Variants in CCDC80 observed in about 807,000 individuals in gnomAD.
CCDC80 encodes the protein coiled-coil domain containing 80, also known as coiled-coil domain-containing protein 80.
In CCDC80, 49 loss-of-function variants were observed where a neutral mutation model predicts 78.7. The ratio of observed to expected loss-of-function variants is 0.62; its 90% CI spans 0.50 to 0.79. The LOEUF (loss-of-function observed/expected upper bound fraction) is 0.79. CCDC80 is among the 30% of genes least tolerant of loss of function. The pLI, the probability that CCDC80 is intolerant of heterozygous loss-of-function variation, is 0.00. For synonymous variants in CCDC80, 488 were observed against 447.0 expected (o/e 1.09, Z -1.16); for missense variants, 1,205 against 1,198.6 (o/e 1.01, Z -0.08).
In CCDC80 at chr3:112,639,074, CAA is replaced by C; in HGVS notation, c.830_831del (p.Phe277CysfsTer5). 5.0e-6 allele frequency: 8 copies of C among 1,613,378 alleles called. No homozygotes were observed. The highest frequency in any genetic ancestry group is 6.8e-6 in the Non-Finnish European group (8 of 1,180,012). Reference protein sequence around the residue: ...RRIEKIRQKGFVQKCKASGVE... With the variant: ...RRIEKIRQKGXVQKCKASGVE... ...ACACCAGAGGCCTTACATTTCTGGA[CAA>C]AGCCCTTCTGCCTGATCTTCTCGAT... On this transcript the variant is annotated frameshift_variant, in exon 2 of 8. Coordinates refer to ENST00000206423, the MANE Select transcript of CCDC80 (RefSeq NM_199511.3). LOFTEE classifies it high-confidence loss of function.
rs1436581285 is a variant in CCDC80 at position 112,639,186 on chromosome 3, C to T, written c.720G>A (p.Lys240=). The change falls in exon 2 of 8, where the codon AAG becomes AAA. Residue 240 remains lysine (K), a synonymous_variant. Coordinates refer to ENST00000206423, the MANE Select transcript of CCDC80 (RefSeq NM_199511.3). ...GATAGCGCTCCTCCACCTGCAGCGT[C>T]TTCTTCAGCAGCACCATGCCAAACT... ...KGKFGMVLLK[K]TLQVEERYPY... is the part of the protein sequence containing the mutation. 6.2e-7 allele frequency: 1 copy of T among 1,614,204 alleles called. No homozygotes were observed. The highest frequency in any genetic ancestry group is 1.7e-5 in the Admixed American group (1 of 60,032).
rs1936264835 is a variant in CCDC80, at chr3:112,638,634, C to T, written c.1272G>A (p.Arg424=). 4 of 1,613,812 alleles carry T rather than the reference C, an allele frequency of 2.5e-6. No individual in the cohort carries two copies. The highest frequency in any genetic ancestry group is 1.7e-5 in the Admixed American group (1 of 59,988). The change falls in exon 2 of 8, where the codon AGG becomes AGA. Residue 424 remains arginine, a synonymous_variant. Coordinates refer to ENST00000206423, the MANE Select transcript of CCDC80 (RefSeq NM_199511.3). ...GCCTCCTGGTTGTCTGTGGCCTCTC[C>T]CTGTGCTGATCCTTCCGGGATGGAG... ...LYPPSRKDQH[R]ERPQTTRRPS... is the part of the protein sequence containing the mutation.
chr3:112,616,444 G>A (rs2055937), intron 5 of CCDC80, among the ~76,000 whole-genome samples: 125,692 of 137,276 alleles, frequency 0.92, 57,077 homozygotes, highest in Non-Finnish European at 0.97. Flanking sequence ...GAAAAAAAAA[G>A]AAAAGAAAAA....
chr3:112,617,282 C>T (rs1935773215), intron 4 of CCDC80, among the ~76,000 whole-genome samples: 1 of 152,316 alleles, frequency 6.6e-6, no homozygotes, highest in East Asian at 1.9e-4. Flanking sequence ...AGTTTTCCAC[C>T]AAGGCCTGTT....
rs1935531001 is a variant in CCDC80 at position 112,607,202 on chromosome 3, C to T, written c.2480G>A (p.Gly827Glu). 1 of 1,613,600 alleles carries T rather than the reference C, an allele frequency of 6.2e-7. No individual in the cohort carries two copies. Among genetic ancestry groups the T allele is most frequent in the South Asian group, 1.1e-5 (1 of 91,044 alleles). Residue 827 changes from glycine (G) to glutamate (E), a missense_variant, in exon 7 of 8, where the codon GGA becomes GAA. By Grantham distance (98) the Gly-to-Glu change is moderately conservative (BLOSUM62 -2). Coordinates refer to ENST00000206423, the MANE Select transcript of CCDC80 (RefSeq NM_199511.3). ...KLLGVGEEVGGVLELFPINGS... is the reference protein window; with the variant it reads ...KLLGVGEEVGEVLELFPINGS... ...ATTAATTGGGAACAGTTCTAACACT[C>T]CCCCAACTTCCTCTCCAACGCCTAA...
At chr3:112,629,602 G>T (rs1476226325) in intron 3 of CCDC80, among the ~76,000 whole-genome samples, 2 of 152,148 alleles carry the variant, frequency 1.3e-5, no homozygotes, top group African/African-American at 4.8e-5. Flanking sequence ...AAGGACTTGG[G>T]TGCAGTTCAG....
Position 112,638,659 on chromosome 3 carries a change from G to C in CCDC80, c.1247C>G (p.Pro416Arg). Reference protein sequence around the residue: ...RRPSVSENLYPPSRKDQHRER... With the variant: ...RRPSVSENLYRPSRKDQHRER... Reference sequence around the variant, plus strand: ...CCTGTGCTGATCCTTCCGGGATGGAGGGTAAAGATTCTCTGAAACTGAGGG... The same window carrying C: ...CCTGTGCTGATCCTTCCGGGATGGACGGTAAAGATTCTCTGAAACTGAGGG... Residue 416 changes from proline (P) to arginine (R), a missense_variant, in exon 2 of 8, where the codon CCT becomes CGT. Physicochemically the swap from Pro to Arg is moderately radical, Grantham distance 103 (BLOSUM62 -2). Coordinates refer to ENST00000206423, the MANE Select transcript of CCDC80 (RefSeq NM_199511.3). 6.2e-7 allele frequency: 1 copy of C among 1,614,050 alleles called. No individual in the cohort carries two copies. Among genetic ancestry groups the C allele is most frequent in the Non-Finnish European group, 8.5e-7 (1 of 1,180,024 alleles).
chr3:112,639,367 G>A lies in CCDC80; in HGVS notation c.539C>T (p.Ala180Val), dbSNP rs1426875696. ...CACAATCTGTTGGATGTGCCTCTCC[G>A]CCAGCTCACAGTACACATCGTCCTT... ...LLKDDVYCELAERHIQQIVLF... is the reference protein window; with the variant it reads ...LLKDDVYCELVERHIQQIVLF... Residue 180 changes from alanine (A) to valine (V), a missense_variant, in exon 2 of 8, where the codon GCG becomes GTG. Transcript: ENST00000206423. 1 of 1,613,914 alleles carries A rather than the reference G, an allele frequency of 6.2e-7. No individual in the cohort carries two copies. The highest frequency in any genetic ancestry group is 8.5e-7 in the Non-Finnish European group (1 of 1,180,004).
intron 6 of CCDC80, 118 bp downstream of exon 6, chr3:112,609,860 A>C (rs970305407): frequency 2.8e-6 from 2 of 726,910 alleles, no homozygotes; most frequent in Non-Finnish European, 4.5e-6. Flanking sequence ...GTGTCTGGAA[A>C]CCTGAACAGT....
Position 112,629,990 on chromosome 3 carries a change from A to T in CCDC80, c.2035+123T>A, listed in dbSNP as rs1009350475. 4.1e-5 allele frequency: 36 copies of T among 869,678 alleles called. No homozygotes were observed. In the African/African-American group the frequency reaches 5.8e-4, roughly 14 times the overall value. 53.9% of individuals were successfully genotyped at this position (869,678 alleles called of 1,614,324 possible). A position where few individuals can be genotyped will look rare whatever the true frequency, so the allele number is the denominator to read the frequency against. On this transcript the variant is annotated intron_variant, in intron 3 of 7. Transcript: ENST00000206423. The stretch of plus-strand genomic sequence containing the variant: ...AGCAGGCAAACTGACCTGTGTTATC[A>T]CAACCAAAGAGCCCTCTGAACATCT...
In CCDC80 at chr3:112,601,687, AAAAAAAAAAG is replaced by A. The variant is rs1559872351; in HGVS notation, c.*3720_*3729del. 0.012 allele frequency: 745 copies of A among 63,028 alleles called. 52 individuals are homozygous for A. Among genetic ancestry groups the A allele is most frequent in the African/African-American group, 0.041 (699 of 17,166 alleles). 3.9% of individuals were successfully genotyped at this position (63,028 alleles called of 1,614,324 possible). On this transcript the variant is annotated 3_prime_UTR_variant, in exon 8 of 8. Coordinates refer to ENST00000206423, the MANE Select transcript of CCDC80 (RefSeq NM_199511.3). ...GAGTGAGACCCTCTCCAAAAAAAGAAAAAAAAAAAGAGAAAAAAAAGAAGCAGCAGCAACG... is the reference window on the plus strand; with the variant it reads ...GAGTGAGACCCTCTCCAAAAAAAGAAAGAAAAAAAAGAAGCAGCAGCAACG...
rs1402413052 is a variant in CCDC80 at position 112,630,233 on chromosome 3, C to T, written c.1915G>A (p.Val639Met). The T allele has an allele frequency of 2.5e-6, 4 of 1,613,852 alleles. No homozygotes were observed. Among genetic ancestry groups the T allele is most frequent in the Non-Finnish European group, 3.4e-6 (4 of 1,179,818 alleles). ...TAPKAENNMYVQQRDEYLESF... is the reference protein window; with the variant it reads ...TAPKAENNMYMQQRDEYLESF... Reference sequence around the variant, plus strand: ...TCCAGATATTCATCACGTTGTTGCACATACATATTGTTCTCAGCCTTGGGA... The same window carrying T: ...TCCAGATATTCATCACGTTGTTGCATATACATATTGTTCTCAGCCTTGGGA... The change falls in exon 3 of 8, where the codon GTG becomes ATG. Residue 639 changes from valine (V) to methionine (M), a missense_variant. Val to Met is a conservative substitution (Grantham distance 21, BLOSUM62 1). Coordinates refer to ENST00000206423, the MANE Select transcript of CCDC80 (RefSeq NM_199511.3).
chr3:112,605,330 T>C lies in CCDC80; in HGVS notation c.*87A>G, dbSNP rs1042585832. ...TGAAAGAAAAAGGCAGGAAATGTAGTACGCAGTGTGGAAGAATGGAGCTGG... is the reference window on the plus strand; with the variant it reads ...TGAAAGAAAAAGGCAGGAAATGTAGCACGCAGTGTGGAAGAATGGAGCTGG... On this transcript the variant is annotated 3_prime_UTR_variant, in exon 8 of 8. Transcript: ENST00000206423. 1.2e-6 allele frequency: 1 copy of C among 843,656 alleles called. No homozygotes were observed. Among genetic ancestry groups the C allele is most frequent in the Non-Finnish European group, 1.9e-6 (1 of 535,788 alleles). The allele number at this position is 843,656 out of a possible 1,614,324, so 52.3% of individuals were successfully genotyped here.
At chr3:112,617,005 T>C (rs1935766019) in intron 4 of CCDC80, 147 bp from the exon 5 acceptor site, 1 of 763,302 alleles carries the variant, frequency 1.3e-6, no homozygotes, top group Non-Finnish European at 2.1e-6. Context: ...ATAAATGCTC[T>C]CCTGCAATAG....
At chr3:112,613,268 A>G (rs1307401536) in intron 5 of CCDC80, among the ~76,000 whole-genome samples, 3 of 152,172 alleles carry the variant, frequency 2.0e-5, no homozygotes, top group Non-Finnish European at 2.9e-5. Flanking sequence ...ATAAATTACA[A>G]TTATTAGCAG....
Position 112,599,155 on chromosome 3 carries a change from C to A in CCDC80, c.*6262G>T, listed in dbSNP as rs1049246903. ...GAGGCCCATAGGTAAAACATCTCAC[C>A]TCCAGTCACACAGGTAAGTACATGG... On this transcript the variant is annotated 3_prime_UTR_variant, in exon 8 of 8. Coordinates refer to ENST00000206423, the MANE Select transcript of CCDC80 (RefSeq NM_199511.3). 6.6e-6 allele frequency: 1 copy of A among 152,134 alleles called. No homozygotes were observed. Among genetic ancestry groups the A allele is most frequent in the East Asian group, 1.9e-4 (1 of 5,184 alleles). 9.4% of individuals were successfully genotyped at this position (152,134 alleles called of 1,614,324 possible). A position where few individuals can be genotyped will look rare whatever the true frequency, so the allele number is the denominator to read the frequency against.
chr3:112,597,540 G>A lies in CCDC80; in HGVS notation c.*7877C>T, dbSNP rs561368077. 4.6e-5 allele frequency: 7 copies of A among 151,962 alleles called. No individual in the cohort carries two copies. The highest frequency in any genetic ancestry group is 2.0e-4 in the Admixed American group (3 of 15,242). The allele number at this position is 151,962 out of a possible 1,614,324, so 9.4% of individuals were successfully genotyped here. A position where few individuals can be genotyped will look rare whatever the true frequency, so the allele number is the denominator to read the frequency against. On this transcript the variant is annotated 3_prime_UTR_variant, in exon 8 of 8. Coordinates refer to ENST00000206423, the MANE Select transcript of CCDC80 (RefSeq NM_199511.3). ...CTTTTTAGTTTATTTCAGGGAGGGG[G>A]TGGTGTTTTTTAATGAATTAATACA...
rs1318358060 is a variant in CCDC80, at chr3:112,602,829, AAGTT to A, written c.*2584_*2587del. The A allele has an allele frequency of 6.6e-6, 1 of 152,272 alleles. No homozygotes were observed. Among genetic ancestry groups the A allele is most frequent in the Non-Finnish European group, 1.5e-5 (1 of 68,066 alleles). The allele number at this position is 152,272 out of a possible 1,614,324, so 9.4% of individuals were successfully genotyped here. On this transcript the variant is annotated 3_prime_UTR_variant, in exon 8 of 8. Transcript: ENST00000206423. Reference sequence around the variant, plus strand: ...CAAATGTTGATGTAGAAGCTGCAGTAAGTTATCCAGAAGATCTAGTTAAGATAAT... The same window carrying A: ...CAAATGTTGATGTAGAAGCTGCAGTAATCCAGAAGATCTAGTTAAGATAAT...
intron 5 of CCDC80, among the ~76,000 whole-genome samples, chr3:112,611,030 C>T (rs1935614449): frequency 1.3e-5 from 2 of 151,056 alleles, no homozygotes; most frequent in Admixed American, 1.3e-4. Flanking sequence ...TCTCCTGCCT[C>T]ATCCTCCCGA....
Sources: gnomAD v4.1 joint callset for allele counts (sites outside exome capture counted in the v4.1 genomes callset) on GRCh38, gnomAD v4.1.1 for gene constraint, MANE v1.5 for transcripts, NCBI Gene and HGNC (gene_info 2026-07-23, HGNC 2026-07-21) for gene names.